GALNTL6: variants seen among roughly 807,000 people sequenced by gnomAD.
The protein encoded by GALNTL6 is polypeptide N-acetylgalactosaminyltransferase like 6, also known as polypeptide N-acetylgalactosaminyltransferase-like 6.
Under a neutral mutation model 73.7 loss-of-function variants are expected in GALNTL6, and 46 were observed. The observed-to-expected ratio is 0.62, with a 90% CI of 0.49 to 0.80. The LOEUF (loss-of-function observed/expected upper bound fraction) is 0.80. Ranked by LOEUF, GALNTL6 falls within the 30% of genes least tolerant of loss-of-function variation. The pLI, the probability that GALNTL6 is intolerant of heterozygous loss-of-function variation, is 0.00. For missense variants in GALNTL6, 604 were observed against 755.0 expected (o/e 0.80, Z 2.34); for synonymous variants, 259 against 263.7 (o/e 0.98, Z 0.17).
intron 5 of GALNTL6, among the ~76,000 whole-genome samples, chr4:172,685,631 A>G (rs1732871414): frequency 6.6e-6 from 1 of 152,150 alleles, no homozygotes; most frequent in African/African-American, 2.4e-5. Context: ...ATTCTTCTAT[A>G]ACCATCTCAT....
At position 172,323,364 on chromosome 4, in the gene GALNTL6, A is replaced by T. The variant is rs200770183; in HGVS notation, c.386+11612A>T. ...ATGGGCAAGATTAGAATAGAAAAACAGTGTGACTAAAACCAGCCACTGAAA... is the reference window on the plus strand; with the variant it reads ...ATGGGCAAGATTAGAATAGAAAAACTGTGTGACTAAAACCAGCCACTGAAA... On this transcript the variant is annotated intron_variant, in intron 4 of 12. Transcript: ENST00000506823. Among the ~76,000 whole-genome samples the T allele has an allele frequency of 3.3e-4, 50 of 152,296 alleles. No individual in the cohort carries two copies. In the East Asian group the frequency reaches 9.6e-3, roughly 29 times the overall value.
intron 5 of GALNTL6, among the ~76,000 whole-genome samples, chr4:172,385,436 G>C (rs1267538985): frequency 6.6e-6 from 1 of 151,962 alleles, no homozygotes; most frequent in Non-Finnish European, 1.5e-5. Context: ...AGTTTTTGCT[G>C]TGTGTACTTT....
At chr4:172,493,414 T>C (rs1579126162) in intron 5 of GALNTL6, among the ~76,000 whole-genome samples, 1 of 152,120 alleles carries the variant, frequency 6.6e-6, no homozygotes, top group Non-Finnish European at 1.5e-5. Flanking sequence ...ATGTCAGAAA[T>C]AGATTATGTC....
rs571500987 is a variant in GALNTL6, at chr4:172,796,489, CATTT to C, written c.554-12868_554-12865del. On this transcript the variant is annotated intron_variant, in intron 5 of 12. Coordinates refer to ENST00000506823, the MANE Select transcript of GALNTL6 (RefSeq NM_001034845.3). The stretch of plus-strand genomic sequence containing the variant: ...CATAAGCACTCAGCACATATAGACA[CATTT>C]ATTATTATGTCCATATATTACTTTG... 2.0e-3 allele frequency among the ~76,000 whole-genome samples: 304 copies of C among 152,260 alleles called. 2 individuals are homozygous for C. The highest frequency in any genetic ancestry group is 3.7e-3 in the Non-Finnish European group (251 of 68,020).
intron 2 of GALNTL6, among the ~76,000 whole-genome samples, chr4:171,857,338 C>G (rs1274464947): frequency 1.3e-5 from 2 of 152,006 alleles, no homozygotes; most frequent in African/African-American, 4.8e-5. Context: ...GAACAATGCA[C>G]TATTAGAAGG....
intron 7 of GALNTL6, among the ~76,000 whole-genome samples, chr4:172,879,081 G>A (rs1426964726): frequency 1.3e-5 from 2 of 151,694 alleles, no homozygotes; most frequent in Non-Finnish European, 3.0e-5. Context: ...CAACAAAAAA[G>A]CCTGAACATT....
intron 8 of GALNTL6, among the ~76,000 whole-genome samples, chr4:172,919,703 G>A (rs1026716508): frequency 2.0e-5 from 3 of 152,130 alleles, no homozygotes; most frequent in African/African-American, 7.2e-5. Flanking sequence ...GGAGACATAT[G>A]GAAATATGGT....
chr4:172,225,895 C>G (rs1254578712), intron 2 of GALNTL6, among the ~76,000 whole-genome samples: 1 of 152,112 alleles, frequency 6.6e-6, no homozygotes, highest in Non-Finnish European at 1.5e-5. Context: ...AGCAAATCCC[C>G]CAGATACCCT....
intron 7 of GALNTL6, among the ~76,000 whole-genome samples, chr4:172,855,382 G>A (rs187939051): frequency 2.0e-5 from 3 of 152,212 alleles, no homozygotes; most frequent in African/African-American, 7.2e-5. Flanking sequence ...AGTTTCAGGG[G>A]TATTTTGCTC....
intron 5 of GALNTL6, among the ~76,000 whole-genome samples, chr4:172,427,388 G>A (rs544184441): frequency 1.2e-4 from 19 of 152,208 alleles, no homozygotes; most frequent in Admixed American, 1.2e-3. Flanking sequence ...TACGAGAACA[G>A]CATGGGAAAG....
At chr4:172,138,307 G>T (rs1733689186) in intron 2 of GALNTL6, among the ~76,000 whole-genome samples, 1 of 150,040 alleles carries the variant, frequency 6.7e-6, no homozygotes, top group Admixed American at 6.7e-5. Flanking sequence ...TATCATACTT[G>T]ATATTTTAGG....
intron 2 of GALNTL6, among the ~76,000 whole-genome samples, chr4:171,869,903 G>A (rs989873946): frequency 3.3e-5 from 5 of 152,064 alleles, no homozygotes; most frequent in African/African-American, 4.8e-5. Flanking sequence ...ATGGAACTAC[G>A]AGTCCATTAA....
intron 2 of GALNTL6, among the ~76,000 whole-genome samples, chr4:171,967,942 G>A (rs1339980457): frequency 2.0e-5 from 3 of 152,116 alleles, no homozygotes; most frequent in South Asian, 2.1e-4. Context: ...TGGGTCCTAG[G>A]ACGCCTGAAG....
At chr4:173,011,823 G>T (rs944188672) in intron 11 of GALNTL6, among the ~76,000 whole-genome samples, 2 of 152,224 alleles carry the variant, frequency 1.3e-5, no homozygotes, top group African/African-American at 4.8e-5. Flanking sequence ...GAAAGTCCTT[G>T]CAAGCAGCTT....
At position 172,209,443 on chromosome 4, in the gene GALNTL6, CAAA is replaced by C. The variant is rs35780511; in HGVS notation, c.139-20200_139-20198del. Among the ~76,000 whole-genome samples, 204 of 135,168 alleles carry C rather than the reference CAAA, an allele frequency of 1.5e-3. 1 individual carries two copies. The highest frequency in any genetic ancestry group is 2.0e-3 in the South Asian group (9 of 4,478). The allele number at this position is 135,168 out of a possible 152,430, so 88.7% of individuals were successfully genotyped here. ...GAAAGGAGGACCCAGGGTCTCTGGT[CAAA>C]AAAAAAAAAAAATGATGTACCTCTA... On this transcript the variant is annotated intron_variant, in intron 2 of 12. Coordinates refer to ENST00000506823, the MANE Select transcript of GALNTL6 (RefSeq NM_001034845.3).
chr4:172,328,037 C>CATATTT (rs950445993), intron 4 of GALNTL6, among the ~76,000 whole-genome samples: 59 of 152,178 alleles, frequency 3.9e-4, no homozygotes, highest in African/African-American at 1.4e-3. Context: ...CTTCCCTTTT[C>CATATTT]ATATTTAGTG....
chr4:172,509,106 A>G (rs1451690328), intron 5 of GALNTL6, among the ~76,000 whole-genome samples: 2 of 50,380 alleles, frequency 4.0e-5, no homozygotes, highest in African/African-American at 5.0e-5. Flanking sequence ...CACCACATCC[A>G]TGAGAACATC....
chr4:172,069,633 C>T lies in GALNTL6; in HGVS notation c.139-160023C>T, dbSNP rs1731495840. Reference sequence around the variant, plus strand: ...TATATATATAACATATATATATATCCTAAATTTCCTCATACATAGTATCTG... The same window carrying T: ...TATATATATAACATATATATATATCTTAAATTTCCTCATACATAGTATCTG... On this transcript the variant is annotated intron_variant, in intron 2 of 12. Transcript: ENST00000506823. 2.6e-4 allele frequency among the ~76,000 whole-genome samples: 6 copies of T among 23,346 alleles called. 3 individuals carry two copies. Among genetic ancestry groups the T allele is most frequent in the Non-Finnish European group, 3.7e-4 (4 of 10,706 alleles). The allele number at this position is 23,346 out of a possible 152,430, so 15.3% of individuals were successfully genotyped here. A position where few individuals can be genotyped will look rare whatever the true frequency, so the allele number is the denominator to read the frequency against.
intron 2 of GALNTL6, among the ~76,000 whole-genome samples, chr4:172,027,803 A>G (rs879604534): frequency 5.9e-5 from 9 of 152,160 alleles, no homozygotes; most frequent in Non-Finnish European, 1.3e-4. Context: ...GTGCATGAAT[A>G]CTAGAAAAGC....
Sources: gnomAD v4.1 joint callset for allele counts (sites outside exome capture counted in the v4.1 genomes callset) on GRCh38, gnomAD v4.1.1 for gene constraint, MANE v1.5 for transcripts, NCBI Gene and HGNC (gene_info 2026-07-23, HGNC 2026-07-21) for gene names.